MACF1: variants seen among roughly 807,000 people sequenced by gnomAD.
The protein encoded by MACF1 is microtubule actin crosslinking factor 1.
A neutral mutation model predicts 854.8 loss-of-function variants in MACF1; 193 were observed. That is an observed-to-expected ratio of 0.23 (90% confidence interval 0.20 to 0.25). The LOEUF (loss-of-function observed/expected upper bound fraction) is 0.25. Among genes scored for constraint, MACF1 ranks in the 10% least tolerant of loss-of-function variants. MACF1 has a pLI of 1.00. For synonymous variants in MACF1, 3,185 were observed against 3,226.7 expected (o/e 0.99, Z 0.44); for missense variants, 7,722 against 8,929.1 (o/e 0.86, Z 5.45).
At chr1:39,346,568 G>A (rs111303830) in intron 40 of MACF1, among the ~76,000 whole-genome samples, 3,419 of 148,638 alleles carry the variant, frequency 0.023, 123 homozygotes, top group African/African-American at 0.08. Flanking sequence ...CACCCAGGCT[G>A]GAGTGCAGTA....
At chr1:39,156,393 ATGATCACTTGAGTCC>A (rs1189741521) in intron 2 of MACF1, among the ~76,000 whole-genome samples, 1 of 152,080 alleles carries the variant, frequency 6.6e-6, no homozygotes, top group Non-Finnish European at 1.5e-5. Context: ...CCAAGGTGGG[ATGATCACTTGAGTCC>A]AGAAGTTCGA....
chr1:39,153,311 G>T (rs1643620523), intron 2 of MACF1, among the ~76,000 whole-genome samples: 1 of 152,080 alleles, frequency 6.6e-6, no homozygotes, highest in South Asian at 2.1e-4. Context: ...TCTCAGGTGG[G>T]GCTAGAATCT....
chr1:39,368,095 A>G, intron 49 of MACF1, 53 bp from the exon 50 acceptor site: 1 of 1,457,632 alleles, frequency 6.9e-7, no homozygotes, highest in Non-Finnish European at 9.5e-7. Flanking sequence ...TCCTTTTTAG[A>G]GTATATTTAT....
intron 55 of MACF1, 135 bp downstream of exon 55, chr1:39,380,508 G>A (rs1650084166): frequency 1.1e-6 from 1 of 876,690 alleles, no homozygotes. Context: ...ATCCAGATAG[G>A]GCCAGAGCAT....
At chr1:39,163,774 G>A (rs1643852399) in intron 2 of MACF1, among the ~76,000 whole-genome samples, 1 of 152,140 alleles carries the variant, frequency 6.6e-6, no homozygotes, top group African/African-American at 2.4e-5. Flanking sequence ...CACCCTCAGA[G>A]AGTGAATTCT....
At chr1:39,244,193 C>G (rs1349955235) in intron 2 of MACF1, among the ~76,000 whole-genome samples, 3 of 152,060 alleles carry the variant, frequency 2.0e-5, no homozygotes, top group Non-Finnish European at 4.4e-5. Context: ...CAACGTCTCC[C>G]TCCTGGGTTC....
Position 39,335,664 on chromosome 1 carries a change from G to C in MACF1, c.9076G>C (p.Gly3026Arg). 2.5e-6 allele frequency: 4 copies of C among 1,614,056 alleles called. No homozygotes were observed. Among genetic ancestry groups the C allele is most frequent in the Non-Finnish European group, 3.4e-6 (4 of 1,179,998 alleles). Residue 3026 changes from glycine (G) to arginine (R), a missense_variant, in exon 37 of 101, where the codon GGG (glycine) becomes CGG (arginine). Physicochemically the swap from Gly to Arg is moderately radical, Grantham distance 125. This residue lies in a region of MACF1 where 854 missense variants were observed against 852.6 expected (regional missense o/e 1.00). Coordinates refer to ENST00000564288, the MANE Select transcript of MACF1 (RefSeq NM_001394062.1). ...TAGGGAAATGACCTCAAGTGAAAAA[G>C]GGAAAGAAGCTGATACAGAAATGGG... ...QPREMTSSEK[G>R]KEADTEMGFS...
intron 1 of MACF1, among the ~76,000 whole-genome samples, chr1:39,219,761 CT>C (rs1043801509): frequency 6.6e-6 from 1 of 152,076 alleles, no homozygotes; most frequent in South Asian, 2.1e-4. Flanking sequence ...GAAAAGCAGT[CT>C]TTTTTTGAGA....
chr1:39,432,706 A>G (rs777889282), intron 67 of MACF1, 52 bp downstream of exon 67: 1 of 1,555,610 alleles, frequency 6.4e-7, no homozygotes, highest in Non-Finnish European at 8.7e-7. Flanking sequence ...ACTTAGAGTG[A>G]CTAGGAGAGT....
chr1:39,177,732 T>C (rs2148229557), intron 2 of MACF1, among the ~76,000 whole-genome samples: 1 of 152,170 alleles, frequency 6.6e-6, no homozygotes, highest in Middle Eastern at 3.4e-3. Flanking sequence ...ACATCTCAGT[T>C]TTGCTCCGGG....
rs62623398 is a variant in MACF1 at position 39,315,621 on chromosome 1, C to T, written c.3379C>T (p.Arg1127Cys). 5.8e-5 allele frequency: 93 copies of T among 1,613,992 alleles called. No individual in the cohort carries two copies. The highest frequency in any genetic ancestry group is 6.7e-5 in the Non-Finnish European group (79 of 1,180,000). ...ATCTAGTTCAAGTGTCCCAACTCTG[C>T]GCTCAGAACTGAATCTGCTGGTGGA... Reference protein sequence around the residue: ...SPSSSSVPTLRSELNLLVEKM... With the variant: ...SPSSSSVPTLCSELNLLVEKM... The change falls in exon 27 of 101, where the codon CGC (arginine) becomes TGC (cysteine). Residue 1127 changes from arginine (R) to cysteine (C), a missense_variant. This residue lies in a region of MACF1 where 1,137 missense variants were observed against 1,263.0 expected (regional missense o/e 0.90). Transcript: ENST00000564288.
intron 69 of MACF1, 47 bp from the exon 70 acceptor site, chr1:39,435,511 A>C (rs757278443): frequency 6.9e-7 from 1 of 1,449,300 alleles, no homozygotes; most frequent in South Asian, 1.2e-5. Flanking sequence ...TAAATACATA[A>C]ACTGGTATAA....
chr1:39,414,440 T>A, intron 58 of MACF1: 6 of 1,614,028 alleles, frequency 3.7e-6, no homozygotes, highest in Non-Finnish European at 4.2e-6. Context: ...CATGGGAAAG[T>A]GCCTCTGGCT....
intron 2 of MACF1, among the ~76,000 whole-genome samples, chr1:39,238,759 C>T (rs1394652379): frequency 1.3e-5 from 2 of 152,318 alleles, no homozygotes; most frequent in African/African-American, 2.4e-5. Context: ...TTTTTCATCT[C>T]TTCCCAGGCC....
chr1:39,408,729 C>T (rs899890353), intron 58 of MACF1, among the ~76,000 whole-genome samples: 3 of 152,230 alleles, frequency 2.0e-5, no homozygotes, highest in South Asian at 2.1e-4. Flanking sequence ...GCGCGGGTTC[C>T]GTTCCTCTCC....
At chr1:39,255,783 G>C (rs898884571) in intron 5 of MACF1, among the ~76,000 whole-genome samples, 1 of 152,172 alleles carries the variant, frequency 6.6e-6, no homozygotes, top group Non-Finnish European at 1.5e-5. Flanking sequence ...AAGTGTTTAG[G>C]GTACTGGAGA....
In MACF1 at chr1:39,324,731, A is replaced by G. The variant is rs774350944; in HGVS notation, c.4475A>G (p.His1492Arg). 8 of 1,610,632 alleles carry G rather than the reference A, an allele frequency of 5.0e-6. No homozygotes were observed. In the East Asian group the frequency reaches 1.1e-4, roughly 22 times the overall value. Residue 1492 changes from histidine (H) to arginine (R), a missense_variant, in exon 35 of 101, where the codon CAT becomes CGT. His to Arg is a conservative substitution (Grantham distance 29, BLOSUM62 0). Coordinates refer to ENST00000564288, the MANE Select transcript of MACF1 (RefSeq NM_001394062.1). ...CAGATCTTCTTGGCCAAGCATGGTCATAAGTGAGTATTAAATGAGAGATTA... is the reference window on the plus strand; with the variant it reads ...CAGATCTTCTTGGCCAAGCATGGTCGTAAGTGAGTATTAAATGAGAGATTA... ...TSQIFLAKHG[H>R]KLSEKEKKQI...
In MACF1 at chr1:39,181,823, C is replaced by T. The variant is rs143605814; in HGVS notation, c.221-49359C>T. On this transcript the variant is annotated intron_variant, in intron 2 of 93. Coordinates refer to the MACF1 transcript ENST00000361689. Reference sequence around the variant, plus strand: ...AATGTAGAAAGAATTGTCTTTTCAACAAATTATACTGGGACAACTGGATAT... The same window carrying T: ...AATGTAGAAAGAATTGTCTTTTCAATAAATTATACTGGGACAACTGGATAT... Among the ~76,000 whole-genome samples the T allele has an allele frequency of 2.6e-5, 4 of 152,204 alleles. No homozygotes were observed. In the East Asian group the frequency reaches 7.7e-4, roughly 29 times the overall value.
intron 36 of MACF1, among the ~76,000 whole-genome samples, chr1:39,330,634 C>G (rs1463301322): frequency 6.6e-6 from 1 of 152,154 alleles, no homozygotes; most frequent in Non-Finnish European, 1.5e-5. Flanking sequence ...CTTAATGCCA[C>G]TATCTCTCAA....
Sources: gnomAD v4.1 joint callset for allele counts (sites outside exome capture counted in the v4.1 genomes callset) on GRCh38, gnomAD v4.1.1 for gene constraint, gnomAD v4.1.1 regional missense constraint, MANE v1.5 for transcripts, NCBI Gene and HGNC (gene_info 2026-07-23, HGNC 2026-07-21) for gene names.